C2orf42: variants seen among roughly 807,000 people sequenced by gnomAD.
The protein encoded by C2orf42 is chromosome 2 open reading frame 42, also known as uncharacterized protein C2orf42.
Under a neutral mutation model 58.9 loss-of-function variants are expected in C2orf42, and 44 were observed. The observed-to-expected ratio is 0.75, with a 90% CI of 0.59 to 0.96. C2orf42 has a LOEUF of 0.96. Ranked by LOEUF, C2orf42 falls within the 40% of genes least tolerant of loss-of-function variation. C2orf42 has a pLI of 0.00. For synonymous variants in C2orf42, 239 were observed against 265.4 expected, an observed-to-expected ratio of 0.90 and a Z score of 0.97; for missense variants, 630 against 699.2, an observed-to-expected ratio of 0.90 and a Z score of 1.12.
At chr2:70,170,181 GAA>G (rs11357432) in intron 5 of C2orf42, among the ~76,000 whole-genome samples, 13 of 115,116 alleles carry the variant, frequency 1.1e-4, no homozygotes, top group South Asian at 2.9e-4. Context: ...AGTTTGTCCA[GAA>G]AAAAAAAAAA....
intron 1 of C2orf42, among the ~76,000 whole-genome samples, chr2:70,188,128 C>G (rs1675077306): frequency 6.6e-6 from 1 of 152,162 alleles, no homozygotes; most frequent in Admixed American, 6.6e-5. Context: ...TGGTACAACA[C>G]TATTAACTCT....
Position 70,181,597 on chromosome 2 carries a change from T to C in C2orf42, c.389A>G (p.Glu130Gly). Residue 130 changes from glutamate to glycine, a missense_variant, in exon 3 of 10, where the codon GAA (glutamate) becomes GGA (glycine). Coordinates refer to ENST00000264434, the MANE Select transcript of C2orf42 (RefSeq NM_017880.3). ...CLKAATQGVV[E>G]NQCQHIKLAV... The stretch of plus-strand genomic sequence containing the variant: ...CAGCTTGATGTGCTGGCACTGGTTT[T>C]CCACAACGCCTTGAGTGGCAGCTTT... 5 of 1,614,122 alleles carry C rather than the reference T, an allele frequency of 3.1e-6. No homozygotes were observed. The highest frequency in any genetic ancestry group is 4.2e-6 in the Non-Finnish European group (5 of 1,180,026).
intron 5 of C2orf42, among the ~76,000 whole-genome samples, chr2:70,170,535 C>T (rs991648426): frequency 2.0e-4 from 31 of 152,026 alleles, no homozygotes; most frequent in African/African-American, 7.0e-4. Flanking sequence ...GCGTGAGCCA[C>T]CTGAGGTCAG....
chr2:70,184,008 A>G lies in C2orf42; in HGVS notation c.-281-1073T>C, dbSNP rs558927859. Among the ~76,000 whole-genome samples, 26 of 152,072 alleles carry G rather than the reference A, an allele frequency of 1.7e-4. No homozygotes were observed. The South Asian group carries it at 5.4e-3, about 32-fold the overall frequency. ...ATTTTTTGGTAGAGACAGGGGTCTC[A>G]CTTTGTTGCTCAGGCTGGTCTCGAA... On this transcript the variant is annotated intron_variant, in intron 1 of 9. Coordinates refer to ENST00000264434, the MANE Select transcript of C2orf42 (RefSeq NM_017880.3).
intron 8 of C2orf42, among the ~76,000 whole-genome samples, chr2:70,163,623 G>A (rs753804880): frequency 1.3e-5 from 2 of 152,108 alleles, no homozygotes; most frequent in Non-Finnish European, 2.9e-5. Context: ...GCCAAGGTGG[G>A]CGGATCACTT....
intron 2 of C2orf42, among the ~76,000 whole-genome samples, chr2:70,182,246 C>T (rs1233983671): frequency 6.6e-6 from 1 of 152,050 alleles, no homozygotes; most frequent in African/African-American, 2.4e-5. Context: ...ACTATAGGCA[C>T]CCGCCACCAC....
At chr2:70,190,277 C>T (rs1350833451) in intron 1 of C2orf42, 1 of 152,018 alleles carries the variant, frequency 6.6e-6, no homozygotes, top group African/African-American at 2.4e-5. Flanking sequence ...GAAGCGTTAA[C>T]CCGCGATGGG....
chr2:70,190,359 G>A (rs1448915588), intron 1 of C2orf42: 2 of 152,132 alleles, frequency 1.3e-5, no homozygotes, highest in African/African-American at 4.8e-5. Context: ...CACAGTTAGG[G>A]GAAAAGAACA....
intron 5 of C2orf42, among the ~76,000 whole-genome samples, chr2:70,174,000 ATT>A (rs1674015840): frequency 6.6e-6 from 1 of 152,036 alleles, no homozygotes; most frequent in Non-Finnish European, 1.5e-5. Context: ...ACATGTCAGA[ATT>A]TTTTTGTTTA....
intron 4 of C2orf42, 114 bp from the exon 5 acceptor site, chr2:70,175,891 C>A (rs1674160122): frequency 1.4e-6 from 1 of 730,922 alleles, no homozygotes; most frequent in East Asian, 2.5e-5. Context: ...TCTAGGTTAG[C>A]TTCACAGTTT....
intron 1 of C2orf42, 69 bp downstream of exon 1, chr2:70,190,904 C>G (rs1482384221): frequency 6.6e-6 from 1 of 152,546 alleles, no homozygotes; most frequent in Non-Finnish European, 1.5e-5. Context: ...CCTTGCTCAG[C>G]ACTACCCCCT....
At chr2:70,160,579 C>A in intron 9 of C2orf42, 46 bp downstream of exon 9, 1 of 1,419,308 alleles carries the variant, frequency 7.0e-7, no homozygotes, top group South Asian at 1.3e-5. Flanking sequence ...CTGTACTGTT[C>A]ACCAGCTGAC....
At chr2:70,160,053 A>G (rs998529048) in intron 9 of C2orf42, among the ~76,000 whole-genome samples, 2 of 152,240 alleles carry the variant, frequency 1.3e-5, no homozygotes, top group African/African-American at 4.8e-5. Flanking sequence ...AACTGAAGAA[A>G]CAAAGGGAGG....
chr2:70,181,527 G>A lies in C2orf42; in HGVS notation c.459C>T (p.Ser153=). The stretch of plus-strand genomic sequence containing the variant: ...AGGCCTGCATTGCATTCAGGACCGA[G>A]CTCTTCAGGGTCAGAGGGGTGGCCT... ...QAEATPLTLK[S]SVLNAMQASP... Residue 153 remains serine, a synonymous_variant, in exon 3 of 10, where the codon AGC becomes AGT. Coordinates refer to ENST00000264434, the MANE Select transcript of C2orf42 (RefSeq NM_017880.3). The A allele has an allele frequency of 6.2e-7, 1 of 1,613,596 alleles. No individual in the cohort carries two copies. Among genetic ancestry groups the A allele is most frequent in the Non-Finnish European group, 8.5e-7 (1 of 1,180,004 alleles).
chr2:70,190,195 G>C (rs996302637), intron 1 of C2orf42: 4 of 152,308 alleles, frequency 2.6e-5, no homozygotes, highest in African/African-American at 9.6e-5. Flanking sequence ...TGAAAGATCT[G>C]CTGGGTATTC....
chr2:70,157,296 T>C (rs1672737450), intron 9 of C2orf42, among the ~76,000 whole-genome samples: 1 of 150,682 alleles, frequency 6.6e-6, no homozygotes, highest in African/African-American at 2.4e-5. Flanking sequence ...CTACTAAAAA[T>C]ACAAAAAATT....
intron 9 of C2orf42, among the ~76,000 whole-genome samples, chr2:70,156,853 C>T (rs1672707828): frequency 6.9e-6 from 1 of 145,020 alleles, no homozygotes; most frequent in South Asian, 2.2e-4. Flanking sequence ...CAGGGCAAGA[C>T]CCTATCTCAA....
At chr2:70,171,826 A>G (rs185193524) in intron 5 of C2orf42, among the ~76,000 whole-genome samples, 6 of 152,110 alleles carry the variant, frequency 3.9e-5, no homozygotes, top group East Asian at 1.9e-4. Flanking sequence ...ACTCTTAAAT[A>G]TAAGTGAAAG....
chr2:70,175,396 C>T (rs943052306), intron 5 of C2orf42, among the ~76,000 whole-genome samples: 5 of 152,198 alleles, frequency 3.3e-5, no homozygotes, highest in African/African-American at 1.2e-4. Context: ...CTCTATGTGT[C>T]CATGTGTTCT....
Sources: allele counts gnomAD v4.1 joint callset (sites outside exome capture counted in the v4.1 genomes callset), GRCh38; gene constraint gnomAD v4.1.1; transcripts MANE v1.5; gene names NCBI Gene and HGNC (gene_info 2026-07-23, HGNC 2026-07-21).